COL8A1: variants seen among roughly 807,000 people sequenced by gnomAD.
The protein encoded by COL8A1 is collagen alpha-1(VIII) chain.
In COL8A1, 21 loss-of-function variants were observed where a neutral mutation model predicts 42.7. The ratio of observed to expected loss-of-function variants is 0.49; its 90% CI spans 0.35 to 0.71. The LOEUF is 0.71. COL8A1 is among the 30% of genes least tolerant of loss of function. COL8A1 has a pLI of 0.01. For synonymous variants in COL8A1, 367 were observed against 369.1 expected (o/e 0.99, Z 0.06); for missense variants, 788 against 962.4 (o/e 0.82, Z 2.40).
chr3:99,753,408 G>T (rs1941191468), intron 2 of COL8A1, among the ~76,000 whole-genome samples: 1 of 152,200 alleles, frequency 6.6e-6, no homozygotes, highest in Admixed American at 6.5e-5. Context: ...AGCCCCAAGG[G>T]TGACCACAGA....
chr3:99,780,436 C>A lies in COL8A1; in HGVS notation c.-3-10244C>A, dbSNP rs76154783. The stretch of plus-strand genomic sequence containing the variant: ...TCCTTTAGGCACTGGGCTTCTACAA[C>A]CCCCAAACCCCATCTAATTCACTCC... On this transcript the variant is annotated intron_variant, in intron 2 of 3. Transcript: ENST00000652472. Among the ~76,000 whole-genome samples the A allele has an allele frequency of 6.4e-3, 974 of 152,192 alleles. 12 individuals are homozygous for A. The highest frequency in any genetic ancestry group is 0.022 in the African/African-American group (932 of 41,458).
chr3:99,758,244 T>C (rs796843126), intron 2 of COL8A1, among the ~76,000 whole-genome samples: 4 of 152,294 alleles, frequency 2.6e-5, no homozygotes, highest in African/African-American at 9.6e-5. Context: ...TAGCACATTC[T>C]TACTAAAAGG....
chr3:99,755,595 A>G (rs1204982274), intron 2 of COL8A1, among the ~76,000 whole-genome samples: 1 of 152,188 alleles, frequency 6.6e-6, no homozygotes, highest in Non-Finnish European at 1.5e-5. Flanking sequence ...AGGGATAGAG[A>G]ATGATAGGAT....
At chr3:99,734,934 T>A (rs1341687398) in intron 1 of COL8A1, among the ~76,000 whole-genome samples, 2 of 150,146 alleles carry the variant, frequency 1.3e-5, no homozygotes, top group Non-Finnish European at 3.0e-5. Context: ...AGTTCACTCA[T>A]GATTTGGTTC....
intron 2 of COL8A1, among the ~76,000 whole-genome samples, chr3:99,773,738 T>C (rs1303977918): frequency 6.8e-6 from 1 of 146,070 alleles, no homozygotes; most frequent in Non-Finnish European, 1.5e-5. Flanking sequence ...TATGCCTGCA[T>C]TGATAACTAT....
chr3:99,761,627 G>A (rs1941365929), intron 2 of COL8A1, among the ~76,000 whole-genome samples: 1 of 152,136 alleles, frequency 6.6e-6, no homozygotes, highest in Admixed American at 6.5e-5. Context: ...ATGCTACCTC[G>A]CCAAGCAGGA....
chr3:99,711,019 G>A (rs888898975), intron 1 of COL8A1, among the ~76,000 whole-genome samples: 2 of 152,284 alleles, frequency 1.3e-5, no homozygotes, highest in African/African-American at 2.4e-5. Context: ...GGTACCAAAA[G>A]GCAAATATGT....
rs1938996048 is a variant in COL8A1 at position 99,684,722 on chromosome 3, G to A, written c.-129+46058G>A. ...TAATGTCTGAATTTGGCTCCTTGTA[G>A]AGTAATTTTCTGAACGGGAATTGTG... On this transcript the variant is annotated intron_variant, in intron 1 of 3. Coordinates refer to ENST00000652472, the MANE Select transcript of COL8A1 (RefSeq NM_020351.4). Among the ~76,000 whole-genome samples the A allele has an allele frequency of 2.0e-5, 3 of 152,146 alleles. No homozygotes were observed. The South Asian group carries it at 6.2e-4, about 31-fold the overall frequency.
Position 99,798,231 on chromosome 3 carries a change from C to T in COL8A1, c.*2095C>T, listed in dbSNP as rs1942136537. The stretch of plus-strand genomic sequence containing the variant: ...TTTAAGAAGAGAAATTAGTCCATTA[C>T]CACAGGGGTTCTTGTCACTACTAAT... On this transcript the variant is annotated 3_prime_UTR_variant, in exon 4 of 4. Coordinates refer to ENST00000652472, the MANE Select transcript of COL8A1 (RefSeq NM_020351.4). 6.6e-6 allele frequency: 1 copy of T among 152,128 alleles called. No individual in the cohort carries two copies. Among genetic ancestry groups the T allele is most frequent in the Non-Finnish European group, 1.5e-5 (1 of 68,034 alleles). 9.4% of individuals were successfully genotyped at this position (152,128 alleles called of 1,614,324 possible). A position where few individuals can be genotyped will look rare whatever the true frequency, so the allele number is the denominator to read the frequency against.
At chr3:99,674,523 T>G (rs1206376048) in intron 1 of COL8A1, among the ~76,000 whole-genome samples, 1 of 152,014 alleles carries the variant, frequency 6.6e-6, no homozygotes, top group Non-Finnish European at 1.5e-5. Flanking sequence ...TGAAAAGTCT[T>G]CCAGCCCCAG....
In COL8A1 at chr3:99,651,463, G is replaced by A. The variant is rs528531901; in HGVS notation, c.-129+12799G>A. 1.4e-3 allele frequency among the ~76,000 whole-genome samples: 220 copies of A among 152,310 alleles called. 1 individual carries two copies. The highest frequency in any genetic ancestry group is 2.1e-3 in the Non-Finnish European group (142 of 68,018). Reference sequence around the variant, plus strand: ...TGCAGTGGACAACCTGAAACACTGCGAAGAAGGCTAAGCTCTCCGCCAGCA... The same window carrying A: ...TGCAGTGGACAACCTGAAACACTGCAAAGAAGGCTAAGCTCTCCGCCAGCA... On this transcript the variant is annotated intron_variant, in intron 1 of 3. Coordinates refer to ENST00000652472, the MANE Select transcript of COL8A1 (RefSeq NM_020351.4).
chr3:99,703,923 G>T (rs990476248), intron 1 of COL8A1, among the ~76,000 whole-genome samples: 2 of 151,732 alleles, frequency 1.3e-5, no homozygotes, highest in Admixed American at 6.6e-5. Flanking sequence ...CTCATCTATG[G>T]TTTTTTTTAA....
chr3:99,730,203 G>C (rs772936744), intron 1 of COL8A1, among the ~76,000 whole-genome samples: 1 of 152,042 alleles, frequency 6.6e-6, no homozygotes, highest in Non-Finnish European at 1.5e-5. Context: ...AAATGAGACT[G>C]TGCAGATAAC....
At chr3:99,745,832 GAA>G (rs141514291) in intron 2 of COL8A1, among the ~76,000 whole-genome samples, 8 of 144,146 alleles carry the variant, frequency 5.5e-5, no homozygotes, top group South Asian at 2.2e-4. Context: ...AACCTTGATG[GAA>G]AAAAAAAAAA....
chr3:99,765,782 G>T (rs188208031), intron 2 of COL8A1, among the ~76,000 whole-genome samples: 4 of 152,004 alleles, frequency 2.6e-5, no homozygotes, highest in African/African-American at 9.7e-5. Context: ...ACATTTTGTG[G>T]TTACTAGATG....
chr3:99,751,721 C>A (rs1018308870), intron 2 of COL8A1, among the ~76,000 whole-genome samples: 1 of 152,092 alleles, frequency 6.6e-6, no homozygotes, highest in Non-Finnish European at 1.5e-5. Flanking sequence ...GGCAGTCCTA[C>A]GCAATGAAGG....
At chr3:99,698,941 T>C (rs1468492316) in intron 1 of COL8A1, among the ~76,000 whole-genome samples, 26 of 152,176 alleles carry the variant, frequency 1.7e-4, no homozygotes, top group Admixed American at 1.7e-3. Flanking sequence ...AGTCAAGGAA[T>C]GCTCCATAGA....
chr3:99,695,633 C>T (rs1203702967), intron 1 of COL8A1, among the ~76,000 whole-genome samples: 1 of 151,918 alleles, frequency 6.6e-6, no homozygotes, highest in Non-Finnish European at 1.5e-5. Flanking sequence ...CCTGCTTTTC[C>T]GGTCCTCTCT....
intron 2 of COL8A1, among the ~76,000 whole-genome samples, chr3:99,789,209 C>G (rs1424077245): frequency 6.6e-6 from 1 of 152,038 alleles, no homozygotes; most frequent in Non-Finnish European, 1.5e-5. Flanking sequence ...TAGGATATTG[C>G]AAAATCAACG....
Sources: gnomAD v4.1 joint callset for allele counts (sites outside exome capture counted in the v4.1 genomes callset) on GRCh38, gnomAD v4.1.1 for gene constraint, MANE v1.5 for transcripts, NCBI Gene and HGNC (gene_info 2026-07-23, HGNC 2026-07-21) for gene names.